The following SDK1 variants were observed in gnomAD, a reference collection of about 807,000 sequenced individuals.
The protein encoded by SDK1 is protein sidekick-1.
A neutral mutation model predicts 245.5 loss-of-function variants in SDK1; 157 were observed. The observed-to-expected ratio is 0.64, with a 90% CI of 0.56 to 0.73. The LOEUF is 0.73. Among genes scored for constraint, SDK1 ranks in the 30% least tolerant of loss-of-function variants. The pLI is 0.00. For synonymous variants in SDK1, 1,647 were observed against 1,278.5 expected, an observed-to-expected ratio of 1.29 and a Z score of -6.15; for missense variants, 3,583 against 3,002.3, an observed-to-expected ratio of 1.19 and a Z score of -4.52.
chr7:3,597,527 G>GA (rs1161603705), intron 1 of SDK1, among the ~76,000 whole-genome samples: 1 of 152,112 alleles, frequency 6.6e-6, no homozygotes, highest in Non-Finnish European at 1.5e-5. Flanking sequence ...TTGCTTTTTC[G>GA]AAAGTGTTAG....
chr7:4,225,601 C>T (rs1785390391), intron 40 of SDK1, among the ~76,000 whole-genome samples: 1 of 152,200 alleles, frequency 6.6e-6, no homozygotes, highest in South Asian at 2.1e-4. Flanking sequence ...GAACAGGACG[C>T]CTGTTGGTTA....
Position 3,386,203 on chromosome 7 carries a change from CTGAT to C in SDK1, c.298+84322_298+84325del, listed in dbSNP as rs557757291. Among the ~76,000 whole-genome samples the C allele has an allele frequency of 1.9e-4, 29 of 152,162 alleles. No homozygotes were observed. The South Asian group carries it at 5.4e-3, about 28-fold the overall frequency. On this transcript the variant is annotated intron_variant, in intron 1 of 44. Transcript: ENST00000404826. ...TTAGCATCCAGCCAAATTATCATAA[CTGAT>C]TGTGTAGTGTAAGGTTAGTGATACA...
intron 4 of SDK1, among the ~76,000 whole-genome samples, chr7:3,777,684 G>T (rs1780607386): frequency 2.0e-5 from 3 of 152,122 alleles, no homozygotes; most frequent in Admixed American, 2.0e-4. Context: ...TTGACCACCA[G>T]CTTAAAACTT....
chr7:3,913,204 A>T (rs1779241607), intron 5 of SDK1, among the ~76,000 whole-genome samples: 1 of 152,014 alleles, frequency 6.6e-6, no homozygotes, highest in Non-Finnish European at 1.5e-5. Flanking sequence ...GGCTCGCGCT[A>T]AGCGTACCTG....
At chr7:3,430,609 C>G (rs1779815915) in intron 1 of SDK1, among the ~76,000 whole-genome samples, 1 of 152,230 alleles carries the variant, frequency 6.6e-6, no homozygotes, top group African/African-American at 2.4e-5. Context: ...CAGCTCATGA[C>G]TTTCCATCCC....
intron 4 of SDK1, among the ~76,000 whole-genome samples, chr7:3,784,387 A>G (rs1480648499): frequency 6.6e-6 from 1 of 152,152 alleles, no homozygotes. Flanking sequence ...AAATGGATTA[A>G]AGTCTTAAAT....
At chr7:4,231,573 C>CAA (rs35027378) in intron 40 of SDK1, among the ~76,000 whole-genome samples, 2,619 of 87,570 alleles carry the variant, frequency 0.03, 97 homozygotes, top group African/African-American at 0.11. Flanking sequence ...GGCCCGGTCT[C>CAA]AAAAAAAAAA....
intron 5 of SDK1, among the ~76,000 whole-genome samples, chr7:3,920,850 G>T (rs1032926864): frequency 1.5e-4 from 23 of 152,184 alleles, no homozygotes; most frequent in Non-Finnish European, 1.5e-5. Flanking sequence ...CGGGAAGATG[G>T]ATCTCGCAAT....
At chr7:3,379,781 G>A (rs1329942233) in intron 1 of SDK1, among the ~76,000 whole-genome samples, 3 of 140,562 alleles carry the variant, frequency 2.1e-5, no homozygotes, top group African/African-American at 8.3e-5. Context: ...TCCCAAATCC[G>A]AAATTTGCAA....
At chr7:3,481,896 C>T (rs532431644) in intron 1 of SDK1, among the ~76,000 whole-genome samples, 1 of 152,204 alleles carries the variant, frequency 6.6e-6, no homozygotes, top group East Asian at 1.9e-4. Flanking sequence ...AGGACTCTGA[C>T]TGATACAGTG....
intron 14 of SDK1, among the ~76,000 whole-genome samples, chr7:3,991,285 C>T (rs769034376): frequency 5.3e-5 from 8 of 151,992 alleles, no homozygotes; most frequent in African/African-American, 1.9e-4. Flanking sequence ...TTGCTGGCGG[C>T]GTGTATTGGT....
At chr7:4,224,468 AG>A (rs1246237312) in intron 40 of SDK1, among the ~76,000 whole-genome samples, 3 of 152,258 alleles carry the variant, frequency 2.0e-5, no homozygotes, top group African/African-American at 7.2e-5. Flanking sequence ...ACAGCACCAA[AG>A]GGGTGGTCCT....
intron 1 of SDK1, among the ~76,000 whole-genome samples, chr7:3,482,195 C>A (rs1181939127): frequency 6.6e-6 from 1 of 152,110 alleles, no homozygotes; most frequent in East Asian, 1.9e-4. Context: ...CTTAAACTAC[C>A]TACCTACTAA....
chr7:4,152,476 A>G (rs1347912162), intron 30 of SDK1, among the ~76,000 whole-genome samples: 1 of 152,206 alleles, frequency 6.6e-6, no homozygotes, highest in East Asian at 1.9e-4. Flanking sequence ...ACCATCTAAA[A>G]GAAGGAAAAA....
intron 35 of SDK1, among the ~76,000 whole-genome samples, chr7:4,204,720 G>A (rs1050878594): frequency 3.3e-5 from 5 of 152,208 alleles, no homozygotes; most frequent in Admixed American, 6.5e-5. Flanking sequence ...GGAGAGGAGT[G>A]CTCGGCTGGC....
At chr7:3,312,830 T>A (rs1562406561) in intron 1 of SDK1, among the ~76,000 whole-genome samples, 1 of 152,062 alleles carries the variant, frequency 6.6e-6, no homozygotes, top group East Asian at 1.9e-4. Flanking sequence ...GAAGATAGAA[T>A]GGCTGAGAAG....
rs114690758 is a variant in SDK1 at position 3,723,198 on chromosome 7, A to G, written c.713+81093A>G. 5.4e-3 allele frequency among the ~76,000 whole-genome samples: 824 copies of G among 152,344 alleles called. 6 individuals are homozygous for G. Among genetic ancestry groups the G allele is most frequent in the African/African-American group, 0.019 (775 of 41,572 alleles). ...AAATTGAGCTTTGTCCCTGTTGAAT[A>G]GTAAATTAAGAGTTCAAAATGAGAC... is the stretch of plus-strand genomic sequence containing the variant. On this transcript the variant is annotated intron_variant, in intron 4 of 44. Coordinates refer to ENST00000404826, the MANE Select transcript of SDK1 (RefSeq NM_152744.4).
intron 1 of SDK1, among the ~76,000 whole-genome samples, chr7:3,526,158 AG>A (rs1783123096): frequency 6.6e-6 from 1 of 151,988 alleles, no homozygotes; most frequent in East Asian, 1.9e-4. Context: ...GCTTGAACCC[AG>A]GAGGTGGAGG....
chr7:4,009,263 C>T (rs191233789), intron 14 of SDK1, among the ~76,000 whole-genome samples: 10 of 152,318 alleles, frequency 6.6e-5, no homozygotes, highest in East Asian at 1.9e-4. Context: ...AGAATGAGAA[C>T]GGTATTTCCA....
Sources: allele counts gnomAD v4.1 joint callset (sites outside exome capture counted in the v4.1 genomes callset), GRCh38; gene constraint gnomAD v4.1.1; transcripts MANE v1.5; gene names NCBI Gene and HGNC (gene_info 2026-07-23, HGNC 2026-07-21).